The following MROH7 variants were observed in gnomAD, a reference collection of about 807,000 sequenced individuals.
The protein encoded by MROH7 is maestro heat like repeat family member 7, also known as maestro heat-like repeat-containing protein family member 7.
In MROH7, 113 loss-of-function variants were observed where a neutral mutation model predicts 129.2. That is an observed-to-expected ratio of 0.87 (90% CI 0.75 to 1.02). The LOEUF (loss-of-function observed/expected upper bound fraction) is 1.02, where lower values mean the gene tolerates loss of function less well. MROH7 is among the 50% of genes least tolerant of loss of function. The pLI, the probability that MROH7 is intolerant of heterozygous loss-of-function variation, is 0.00. For missense variants in MROH7, 1,601 were observed against 1,671.3 expected (o/e 0.96, Z 0.73); for synonymous variants, 655 against 667.9 (o/e 0.98, Z 0.30).
Position 54,710,092 on chromosome 1 carries a change from T to A in MROH7, c.3877T>A (p.Trp1293Arg), listed in dbSNP as rs202134239. The A allele has an allele frequency of 2.2e-5, 35 of 1,614,102 alleles. No homozygotes were observed. The African/African-American group carries it at 4.3e-4, about 20-fold the overall frequency. Residue 1293 changes from tryptophan (W) to arginine (R), a missense_variant, in exon 24 of 24, where the codon TGG becomes AGG. Physicochemically the swap from Trp to Arg is moderately radical, Grantham distance 101. Transcript: ENST00000421030. Reference sequence around the variant, plus strand: ...GTGTTACTCAGCCACCACCCACCGCTGGAGCCCCAGCTGTGAGAACCTGCC... The same window carrying A: ...GTGTTACTCAGCCACCACCCACCGCAGGAGCCCCAGCTGTGAGAACCTGCC... ...WVCYSATTHRWSPSCENLPTS... is the reference protein window; with the variant it reads ...WVCYSATTHRRSPSCENLPTS...
intron 15 of MROH7, among the ~76,000 whole-genome samples, chr1:54,691,543 T>C (rs1645236860): frequency 2.0e-5 from 3 of 152,276 alleles, no homozygotes; most frequent in East Asian, 3.9e-4. Context: ...CTGTGGCTCA[T>C]GCCTCTAATC....
chr1:54,696,658 A>ATT (rs1645327221), intron 17 of MROH7, among the ~76,000 whole-genome samples: 1 of 57,150 alleles, frequency 1.7e-5, no homozygotes, highest in African/African-American at 8.0e-5. Flanking sequence ...CAATTTCCTT[A>ATT]CTTTTTTTTT....
intron 1 of MROH7, among the ~76,000 whole-genome samples, chr1:54,647,913 A>G: frequency 6.6e-6 from 1 of 151,580 alleles, no homozygotes; most frequent in African/African-American, 2.4e-5. Context: ...TCAAAAAAAA[A>G]AAAAAAAAAA....
At chr1:54,681,419 C>T (rs147003276) in intron 13 of MROH7, among the ~76,000 whole-genome samples, 1 of 152,332 alleles carries the variant, frequency 6.6e-6, no homozygotes, top group Non-Finnish European at 1.5e-5. Flanking sequence ...AGGGTCACTG[C>T]ATCCTGGGAA....
rs547740508 is a variant in MROH7, at chr1:54,653,057, T to C, written c.131T>C (p.Val44Ala). ...CAGCCCCACCCAGACATGGCTCAGG[T>C]GCCTATGTTGAATCTGCTCCCAAGT... is the stretch of plus-strand genomic sequence containing the variant. The part of the protein sequence containing the change: ...IPQPHPDMAQ[V>A]PMLNLLPSPG... The change falls in exon 3 of 24, where the codon GTG (valine) becomes GCG (alanine). Residue 44 changes from valine (V) to alanine (A), a missense_variant. Transcript: ENST00000421030. 69 of 1,614,002 alleles carry C rather than the reference T, an allele frequency of 4.3e-5. No homozygotes were observed. Among genetic ancestry groups the C allele is most frequent in the Admixed American group, 3.3e-5 (2 of 59,996 alleles).
At chr1:54,664,857 C>G (rs958872570) in intron 3 of MROH7, among the ~76,000 whole-genome samples, 1 of 152,018 alleles carries the variant, frequency 6.6e-6, no homozygotes, top group Non-Finnish European at 1.5e-5. Context: ...ACTAAAAATA[C>G]AAAAATTAGA....
At chr1:54,673,895 G>T in intron 9 of MROH7, 90 bp downstream of exon 9, 1 of 1,516,056 alleles carries the variant, frequency 6.6e-7, no homozygotes, top group Non-Finnish European at 9.1e-7. Context: ...ATTCCCAGGT[G>T]GCTCTTGCCA....
At chr1:54,692,298 A>G (rs1645252302) in intron 15 of MROH7, 126 bp from the exon 16 acceptor site, 2 of 1,199,794 alleles carry the variant, frequency 1.7e-6, no homozygotes, top group Non-Finnish European at 2.4e-6. Flanking sequence ...GATACACTGA[A>G]TACCCCTACC....
intron 3 of MROH7, among the ~76,000 whole-genome samples, chr1:54,659,718 G>T (rs1644703992): frequency 6.6e-6 from 1 of 152,190 alleles, no homozygotes; most frequent in Non-Finnish European, 1.5e-5. Context: ...CTCCCAAAGT[G>T]CCAGGATTAC....
chr1:54,660,928 T>A (rs909528731), intron 3 of MROH7, among the ~76,000 whole-genome samples: 2 of 152,186 alleles, frequency 1.3e-5, no homozygotes, highest in Non-Finnish European at 2.9e-5. Flanking sequence ...TCTTGATAAC[T>A]ACTGATGTTA....
At position 54,653,033 on chromosome 1, in the gene MROH7, A is replaced by G. The variant is rs2101065924; in HGVS notation, c.107A>G (p.Gln36Arg). 4 of 1,614,148 alleles carry G rather than the reference A, an allele frequency of 2.5e-6. No homozygotes were observed. Among genetic ancestry groups the G allele is most frequent in the Non-Finnish European group, 3.4e-6 (4 of 1,180,028 alleles). ...APGLGSGTIP[Q>R]PHPDMAQVPM... is the part of the protein sequence containing the mutation. ...GGATTAGGGTCTGGTACCATCCCTC[A>G]GCCCCACCCAGACATGGCTCAGGTG... Residue 36 changes from glutamine to arginine, a missense_variant, in exon 3 of 24, where the codon CAG becomes CGG. By Grantham distance (43) the Gln-to-Arg change is conservative (BLOSUM62 1). Coordinates refer to ENST00000421030, the MANE Select transcript of MROH7 (RefSeq NM_001039464.4).
At chr1:54,679,784 C>G (rs570641425) in intron 12 of MROH7, 107 bp from the exon 13 acceptor site, 1 of 1,128,362 alleles carries the variant, frequency 8.9e-7, no homozygotes, top group African/African-American at 1.5e-5. Context: ...GGGCCTTCTC[C>G]CCTGTCCTCT....
At position 54,700,342 on chromosome 1, in the gene MROH7, C is replaced by A; in HGVS notation, c.2986C>A (p.Arg996Ser). Residue 996 changes from arginine to serine, a missense_variant, in exon 18 of 24, where the codon CGC becomes AGC. Transcript: ENST00000421030. ...FVELLQMEQV[R>S]RIPEEYSLGR... ...TCAGCTCCTCCAGATGGAGCAGGTGCGCCGGATCCCCGAGGAATACTCTCT... is the reference window on the plus strand; with the variant it reads ...TCAGCTCCTCCAGATGGAGCAGGTGAGCCGGATCCCCGAGGAATACTCTCT... 6.2e-7 allele frequency: 1 copy of A among 1,614,078 alleles called. No homozygotes were observed. Among genetic ancestry groups the A allele is most frequent in the Non-Finnish European group, 8.5e-7 (1 of 1,179,974 alleles).
At chr1:54,687,045 CTTATTTATTTATTTATTTAT>C (rs143476331) in intron 15 of MROH7, among the ~76,000 whole-genome samples, 10 of 145,620 alleles carry the variant, frequency 6.9e-5, no homozygotes, top group East Asian at 2.0e-4. Context: ...GAGCTGTCTC[CTTATTTATTTATTTATTTAT>C]TTATTTATTT....
intron 1 of MROH7, 139 bp from the exon 2 acceptor site, chr1:54,651,810 C>CTCTCTCTCTCTGTG (rs148778686): frequency 7.1e-6 from 1 of 141,524 alleles, no homozygotes; most frequent in Non-Finnish European, 1.5e-5. Context: ...CTCTCTCTCT[C>CTCTCTCTCTCTGTG]TGTGTGTGTG....
At chr1:54,704,746 A>G (rs1411751767) in intron 21 of MROH7, among the ~76,000 whole-genome samples, 1 of 148,366 alleles carries the variant, frequency 6.7e-6, no homozygotes, top group Non-Finnish European at 1.5e-5. Context: ...ATGCCTGGTC[A>G]GAAACCCTAC....
At chr1:54,706,278 G>A (rs1645532054) in intron 21 of MROH7, among the ~76,000 whole-genome samples, 157 bp from the exon 22 acceptor site, 1 of 152,156 alleles carries the variant, frequency 6.6e-6, no homozygotes, top group African/African-American at 2.4e-5. Context: ...AATCAGCTAA[G>A]AGGAGATAAG....
chr1:54,695,507 C>A lies in MROH7; in HGVS notation c.2964+17C>A. The A allele has an allele frequency of 6.4e-7, 1 of 1,563,010 alleles. No homozygotes were observed. ...TTCGTGGAGGTACCAACGGGGGCAG[C>A]GGGTACACAGCGGGAGCTCCTCCCG... On this transcript the variant is annotated intron_variant, in intron 17 of 23. Transcript: ENST00000421030.
intron 18 of MROH7, among the ~76,000 whole-genome samples, chr1:54,700,802 C>T (rs1013513064): frequency 1.3e-5 from 2 of 152,194 alleles, no homozygotes; most frequent in African/African-American, 2.4e-5. Flanking sequence ...TTTTTCTCTA[C>T]CAGGCACTGT....
Sources: allele counts gnomAD v4.1 joint callset (sites outside exome capture counted in the v4.1 genomes callset), GRCh38; gene constraint gnomAD v4.1.1; transcripts MANE v1.5; gene names NCBI Gene and HGNC (gene_info 2026-07-23, HGNC 2026-07-21).